Variants in NCOA2 observed in about 807,000 individuals in gnomAD.
The protein encoded by NCOA2 is class E basic helix-loop-helix protein 75.
Under a neutral mutation model 145.1 loss-of-function variants are expected in NCOA2, and 21 were observed. The observed-to-expected ratio is 0.14, with a 90% CI of 0.10 to 0.21. The LOEUF is 0.21. NCOA2 is among the 10% of genes least tolerant of loss of function. NCOA2 has a pLI of 1.00. For synonymous variants in NCOA2, 619 were observed against 637.5 expected, an observed-to-expected ratio of 0.97 and a Z score of 0.44; for missense variants, 1,472 against 1,837.6, an observed-to-expected ratio of 0.80 and a Z score of 3.64.
chr8:70,358,234 C>G (rs1809907698), intron 1 of NCOA2, among the ~76,000 whole-genome samples: 1 of 152,080 alleles, frequency 6.6e-6, no homozygotes, highest in African/African-American at 2.4e-5. Context: ...ATTCCAATGG[C>G]CTTTTTAATA....
chr8:70,288,010 A>G (rs944078274), intron 2 of NCOA2, among the ~76,000 whole-genome samples: 3 of 152,176 alleles, frequency 2.0e-5, no homozygotes, highest in Admixed American at 1.3e-4. Context: ...TGGATTCCCA[A>G]TTTGGCCTCT....
chr8:70,232,665 C>T (rs1442374362), intron 2 of NCOA2, among the ~76,000 whole-genome samples: 1 of 152,088 alleles, frequency 6.6e-6, no homozygotes, highest in Non-Finnish European at 1.5e-5. Flanking sequence ...GACCCTGCTG[C>T]AATATTTCAA....
chr8:70,271,718 A>C (rs1034054249), intron 2 of NCOA2, among the ~76,000 whole-genome samples: 3 of 152,226 alleles, frequency 2.0e-5, no homozygotes, highest in African/African-American at 7.2e-5. Context: ...CAGGTCCTGC[A>C]CGACTGAGAT....
intron 16 of NCOA2, among the ~76,000 whole-genome samples, chr8:70,130,876 G>A (rs1477419775): frequency 6.6e-6 from 1 of 152,072 alleles, no homozygotes; most frequent in Non-Finnish European, 1.5e-5. Flanking sequence ...AGTAAGCCAG[G>A]CTGCACTGCT....
At chr8:70,114,257 C>T (rs544110843) in intron 22 of NCOA2, among the ~76,000 whole-genome samples, 2 of 152,102 alleles carry the variant, frequency 1.3e-5, no homozygotes, top group Admixed American at 1.3e-4. Context: ...AACTCCTGAC[C>T]TCAAGTGATC....
chr8:70,389,030 A>G (rs1377652492), intron 1 of NCOA2, among the ~76,000 whole-genome samples: 1 of 152,204 alleles, frequency 6.6e-6, no homozygotes, highest in East Asian at 1.9e-4. Flanking sequence ...TTAAAGGAAT[A>G]AAAAACAGAA....
intron 2 of NCOA2, among the ~76,000 whole-genome samples, chr8:70,287,940 T>C (rs1826357966): frequency 6.6e-6 from 1 of 152,134 alleles, no homozygotes; most frequent in African/African-American, 2.4e-5. Flanking sequence ...TGCTTGTTTG[T>C]TTGTTTGTTT....
chr8:70,399,121 TATG>T (rs1247368212), intron 1 of NCOA2, among the ~76,000 whole-genome samples: 1 of 152,254 alleles, frequency 6.6e-6, no homozygotes, highest in African/African-American at 2.4e-5. Flanking sequence ...GTGTTTTCTT[TATG>T]ATGTCTGAAT....
chr8:70,305,738 T>G (rs1426153264), intron 1 of NCOA2, among the ~76,000 whole-genome samples: 1 of 152,230 alleles, frequency 6.6e-6, no homozygotes, highest in African/African-American at 2.4e-5. Context: ...CAAAAATAAG[T>G]TTATTTTCTT....
chr8:70,335,153 A>AAAAG (rs1563776041), intron 1 of NCOA2, among the ~76,000 whole-genome samples: 7 of 131,686 alleles, frequency 5.3e-5, no homozygotes, highest in Middle Eastern at 4.0e-3. Flanking sequence ...AAAAAAAAAA[A>AAAAG]GATCTCTCCC....
chr8:70,220,290 C>T (rs181779792), intron 2 of NCOA2, among the ~76,000 whole-genome samples: 62 of 152,214 alleles, frequency 4.1e-4, no homozygotes, highest in African/African-American at 1.3e-3. Context: ...AACTGTTTAA[C>T]GTAAATCACA....
intron 4 of NCOA2, among the ~76,000 whole-genome samples, chr8:70,212,898 A>G (rs1819188546): frequency 6.6e-6 from 1 of 152,052 alleles, no homozygotes. Context: ...CCTGGCAAAC[A>G]CGGTGAAACC....
chr8:70,360,171 T>A (rs550516596), intron 1 of NCOA2, among the ~76,000 whole-genome samples: 4 of 152,236 alleles, frequency 2.6e-5, no homozygotes, highest in Admixed American at 2.6e-4. Flanking sequence ...GCCTCCAAAA[T>A]CAAATCAGGA....
chr8:70,354,031 C>T (rs939307838), intron 1 of NCOA2, among the ~76,000 whole-genome samples: 7 of 152,050 alleles, frequency 4.6e-5, no homozygotes, highest in Middle Eastern at 3.2e-3. Context: ...CAAATGAAAC[C>T]ATTTCTCCTT....
intron 2 of NCOA2, among the ~76,000 whole-genome samples, chr8:70,281,975 T>C (rs1188521100): frequency 6.6e-6 from 1 of 152,214 alleles, no homozygotes; most frequent in African/African-American, 2.4e-5. Flanking sequence ...AAAATATAAT[T>C]TTATCTTTCT....
At chr8:70,345,892 CAG>C (rs1452654795) in intron 1 of NCOA2, among the ~76,000 whole-genome samples, 1 of 152,160 alleles carries the variant, frequency 6.6e-6, no homozygotes, top group Non-Finnish European at 1.5e-5. Flanking sequence ...ACAATCCTCC[CAG>C]CACACCAAAC....
intron 1 of NCOA2, among the ~76,000 whole-genome samples, chr8:70,377,266 T>A (rs991817764): frequency 1.3e-5 from 2 of 151,874 alleles, no homozygotes; most frequent in Non-Finnish European, 2.9e-5. Context: ...AAACTTTTTT[T>A]AAAAACTTAT....
chr8:70,434,431 G>A, the NCOA2 span, among the ~76,000 whole-genome samples: 3 of 152,274 alleles, frequency 2.0e-5, no homozygotes, highest in South Asian at 6.2e-4. Context: ...CATTATTAAT[G>A]AAATGTGAAC....
rs143247946 is a variant in NCOA2, at chr8:70,394,309, C to T, written c.-77+9391G>A. Among the ~76,000 whole-genome samples the T allele has an allele frequency of 9.3e-3, 1,419 of 152,274 alleles. 22 individuals are homozygous for T. The highest frequency in any genetic ancestry group is 0.032 in the African/African-American group (1,314 of 41,548). On this transcript the variant is annotated intron_variant, in intron 1 of 22. Coordinates refer to ENST00000452400, the MANE Select transcript of NCOA2 (RefSeq NM_006540.4). ...CAGCTGGGATTACAGGTGCCCGCCA[C>T]CATGCCCGGCTAATTTTGTATTTTT... is the stretch of plus-strand genomic sequence containing the variant.
Sources: allele counts gnomAD v4.1 joint callset (sites outside exome capture counted in the v4.1 genomes callset), GRCh38; gene constraint gnomAD v4.1.1; transcripts MANE v1.5; gene names NCBI Gene and HGNC (gene_info 2026-07-23, HGNC 2026-07-21).